KHNYN: variants seen among roughly 807,000 people sequenced by gnomAD.
The protein encoded by KHNYN is KH and NYN domain containing, also known as protein KHNYN.
A neutral mutation model predicts 62.7 loss-of-function variants in KHNYN; 42 were observed. The ratio of observed to expected loss-of-function variants is 0.67; its 90% confidence interval spans 0.52 to 0.87. KHNYN has a LOEUF of 0.87. KHNYN is among the 40% of genes least tolerant of loss of function. The pLI is 0.00. For synonymous variants in KHNYN, 347 were observed against 345.6 expected (o/e 1.00, Z -0.04); for missense variants, 829 against 874.1 (o/e 0.95, Z 0.65).
intron 5 of KHNYN, 103 bp from the exon 6 acceptor site, chr14:24,435,966 AGTG>A (rs777940002): frequency 8.6e-6 from 7 of 813,402 alleles, no homozygotes; most frequent in Non-Finnish European, 1.5e-5. Context: ...TATATTGCAT[AGTG>A]GTGAAGTCTA....
chr14:24,436,571 T>C (rs1002681228), intron 7 of KHNYN, 82 bp downstream of exon 7: 1 of 1,036,582 alleles, frequency 9.6e-7, no homozygotes, highest in Non-Finnish European at 1.4e-6. Flanking sequence ...GGTGGAAGTG[T>C]GACCTCAGTT....
In KHNYN at chr14:24,432,406, T is replaced by C. The variant is rs2139384772; in HGVS notation, c.1145T>C (p.Val382Ala). Residue 382 changes from valine (V) to alanine (A), a missense_variant, in exon 3 of 8, where the codon GTG becomes GCG. By Grantham distance (64) the Val-to-Ala change is moderately conservative. This residue lies in a region of KHNYN where 559 missense variants were observed against 527.0 expected (regional missense o/e 1.06). Transcript: ENST00000553935. The surrounding 1 kb of genome is among the most constrained non-coding windows in gnomAD (Gnocchi z 5.6). ...GGTGACTGCGGAGACCGGGGAGACG[T>C]GGGGGACAGGGGAGACAAGCAGCAG... ...DRGDCGDRGD[V>A]GDRGDKQQGM... The C allele has an allele frequency of 6.2e-7, 1 of 1,612,422 alleles. No homozygotes were observed. The highest frequency in any genetic ancestry group is 1.1e-5 in the South Asian group (1 of 90,998).
upstream of KHNYN, among the ~76,000 whole-genome samples, chr14:24,424,899 A>C (rs1431538057): frequency 1.3e-5 from 2 of 152,206 alleles, no homozygotes; most frequent in African/African-American, 4.8e-5. Flanking sequence ...AGAAACTGTG[A>C]GGTAATAAAC....
chr14:24,423,651 C>T, the KHNYN span, among the ~76,000 whole-genome samples: 38 of 152,200 alleles, frequency 2.5e-4, no homozygotes, highest in Non-Finnish European at 4.9e-4. Flanking sequence ...AGATGAGGGG[C>T]AGCTGGCAAA....
upstream of KHNYN, chr14:24,428,881 C>A (rs761978741): frequency 1.9e-6 from 3 of 1,600,442 alleles, no homozygotes; most frequent in East Asian, 2.3e-5. Flanking sequence ...CTCCCCCGGG[C>A]CCCCCTGCAG....
At chr14:24,428,505 G>T, upstream of KHNYN, 1 of 1,421,264 alleles carries the variant, frequency 7.0e-7, no homozygotes, top group Non-Finnish European at 9.6e-7. Context: ...TGAATAGAAG[G>T]AGTGGCAAGT....
In KHNYN at chr14:24,430,914, A is replaced by C; in HGVS notation, c.184A>C (p.Asn62His). 6.2e-7 allele frequency: 1 copy of C among 1,613,204 alleles called. No homozygotes were observed. Among genetic ancestry groups the C allele is most frequent in the Non-Finnish European group, 8.5e-7 (1 of 1,179,268 alleles). Residue 62 changes from asparagine to histidine, a missense_variant, in exon 2 of 8, where the codon AAC (asparagine) becomes CAC (histidine). Physicochemically the swap from Asn to His is moderately conservative, Grantham distance 68. Transcript: ENST00000553935. ...IWLQLEGPKE[N>H]ASRAKEYLKG... ...GCTGCAGCTGGAGGGCCCCAAGGAA[A>C]ACGCCAGCAGAGCCAAGGTGAACGC...
chr14:24,436,382 A>G lies in KHNYN; in HGVS notation c.1686-6A>G, dbSNP rs1401907119. On this transcript the variant is annotated splice_polypyrimidine_tract_variant and splice_region_variant and intron_variant, in intron 6 of 7. Transcript: ENST00000553935. The stretch of plus-strand genomic sequence containing the variant: ...CTGTGACCACACATTATCTTTCGCC[A>G]TCCAGCCTGCTGCCCTTTACCTTTG... The G allele has an allele frequency of 3.1e-6, 5 of 1,613,660 alleles. 1 individual carries two copies. Among genetic ancestry groups the G allele is most frequent in the Non-Finnish European group, 4.2e-6 (5 of 1,179,612 alleles).
upstream of KHNYN, chr14:24,427,498 T>G: frequency 2.4e-6 from 1 of 408,398 alleles, no homozygotes; most frequent in Middle Eastern, 7.1e-4. The surrounding 1 kb of genome is among the most constrained non-coding windows in gnomAD (Gnocchi z 4.4). Context: ...CGCAAAGTAG[T>G]GCAGATCTTC....
chr14:24,431,985 C>G lies in KHNYN; in HGVS notation c.724C>G (p.Pro242Ala). The G allele has an allele frequency of 6.2e-7, 1 of 1,611,866 alleles. No individual in the cohort carries two copies. Among genetic ancestry groups the G allele is most frequent in the Non-Finnish European group, 8.5e-7 (1 of 1,178,504 alleles). ...GTCCCTGGACACTGGATCTATGGGA[C>G]CCGGAGATTGCAGGGGAGCAAGGGG... ...RESLDTGSMG[P>A]GDCRGARGDT... The change falls in exon 3 of 8, where the codon CCC (proline) becomes GCC (alanine). Residue 242 changes from proline to alanine, a missense_variant. Coordinates refer to ENST00000553935, the MANE Select transcript of KHNYN (RefSeq NM_015299.3).
Position 24,439,123 on chromosome 14 carries a change from C to T in KHNYN, c.*1838C>T, listed in dbSNP as rs2043252667. 6.6e-6 allele frequency: 1 copy of T among 151,896 alleles called. No individual in the cohort carries two copies. 9.4% of individuals were successfully genotyped at this position (151,896 alleles called of 1,614,324 possible). Reference sequence around the variant, plus strand: ...GGTGGCTGGGGGAACTGTGTCTGGTCAAGTTATGGCAGATGTCACAGCTTT... The same window carrying T: ...GGTGGCTGGGGGAACTGTGTCTGGTTAAGTTATGGCAGATGTCACAGCTTT... On this transcript the variant is annotated 3_prime_UTR_variant, in exon 8 of 8. Transcript: ENST00000553935.
Position 24,431,670 on chromosome 14 carries a change from G to C in KHNYN, c.409G>C (p.Glu137Gln). 6.2e-7 allele frequency: 1 copy of C among 1,614,150 alleles called. No homozygotes were observed. The highest frequency in any genetic ancestry group is 2.2e-5 in the East Asian group (1 of 44,880). The change falls in exon 3 of 8, where the codon GAG (glutamate) becomes CAG (glutamine). Residue 137 changes from glutamate (E) to glutamine (Q), a missense_variant. This residue lies in a region of KHNYN where 559 missense variants were observed against 527.0 expected (regional missense o/e 1.06). Transcript: ENST00000553935. The part of the protein sequence containing the change: ...AFVMAQSRVE[E>Q]LAERLSWDFT... ...TGTCATGGCTCAGAGCCGGGTAGAA[G>C]AGCTGGCAGAGCGGCTGAGCTGGGA...
Position 24,439,882 on chromosome 14 carries a change from G to C in KHNYN, c.*2597G>C. On this transcript the variant is annotated 3_prime_UTR_variant, in exon 8 of 8. Transcript: ENST00000553935. ...AAACCAAACTGGGAAATCTTACAAG[G>C]AGTTGAAAAGATTAATGTCCCAACC... 1 of 530,492 alleles carries C rather than the reference G, an allele frequency of 1.9e-6. No individual in the cohort carries two copies. The highest frequency in any genetic ancestry group is 3.0e-5 in the East Asian group (1 of 33,164). The allele number at this position is 530,492 out of a possible 1,614,324, so 32.9% of individuals were successfully genotyped here.
chr14:24,429,036 G>A (rs1015800215), upstream of KHNYN: 13 of 1,515,914 alleles, frequency 8.6e-6, no homozygotes, highest in African/African-American at 1.4e-5. Context: ...GGTAGCCAGT[G>A]TGGCTTGGCT....
rs1473924676 is a variant in KHNYN, at chr14:24,441,149, G to A, written c.*3864G>A. On this transcript the variant is annotated 3_prime_UTR_variant, in exon 8 of 8. Coordinates refer to ENST00000553935, the MANE Select transcript of KHNYN (RefSeq NM_015299.3). ...TAAACTTAGAGGCTGCTAGAGTGTA[G>A]TGGTTAAGAACAGGAACTTGGGTAC... The A allele has an allele frequency of 3.1e-6, 2 of 652,096 alleles. No homozygotes were observed. Among genetic ancestry groups the A allele is most frequent in the Non-Finnish European group, 5.5e-6 (2 of 361,344 alleles). The allele number at this position is 652,096 out of a possible 1,614,324, so 40.4% of individuals were successfully genotyped here. A position where few individuals can be genotyped will look rare whatever the true frequency, so the allele number is the denominator to read the frequency against.
intron 5 of KHNYN, chr14:24,434,260 G>T: frequency 1.2e-5 from 12 of 985,380 alleles, no homozygotes; most frequent in Non-Finnish European, 1.2e-5. Context: ...TTGGGAATTC[G>T]CCCAGTAACA....
chr14:24,437,308 C>T lies in KHNYN; in HGVS notation c.*23C>T. The T allele has an allele frequency of 1.3e-6, 2 of 1,596,904 alleles. No homozygotes were observed. Among genetic ancestry groups the T allele is most frequent in the Non-Finnish European group, 1.7e-6 (2 of 1,168,818 alleles). ...TGAGCCTCACCTGCTTGAGTGGCTG[C>T]CGCCCTGTCAGCTCCAGCCGCCTCC... is the stretch of plus-strand genomic sequence containing the variant. On this transcript the variant is annotated 3_prime_UTR_variant, in exon 8 of 8. Transcript: ENST00000553935. This position sits in a 1 kb window ranked among gnomAD's most constrained non-coding sequence, Gnocchi z 5.5.
At chr14:24,428,582 G>A (rs943972177), upstream of KHNYN, among the ~76,000 whole-genome samples, 2 of 152,082 alleles carry the variant, frequency 1.3e-5, no homozygotes, top group African/African-American at 4.8e-5. Context: ...GGCTGCGTAT[G>A]GGTGGAGGGA....
At position 24,432,067 on chromosome 14, in the gene KHNYN, A is replaced by T; in HGVS notation, c.806A>T (p.Asp269Val). The change falls in exon 3 of 8, where the codon GAT (aspartate) becomes GTT (valine). Residue 269 changes from aspartate to valine, a missense_variant. Asp to Val is a radical substitution (Grantham distance 152, BLOSUM62 -3). This residue lies in a region of KHNYN where 559 missense variants were observed against 527.0 expected (regional missense o/e 1.06). Coordinates refer to ENST00000553935, the MANE Select transcript of KHNYN (RefSeq NM_015299.3). This position sits in a 1 kb window ranked among gnomAD's most constrained non-coding sequence, Gnocchi z 5.6. Reference sequence around the variant, plus strand: ...AAACAGGGTGGTCCCAGGGAGATGGATTGGGGGTGGAAGGAGTTGCCTGGG... The same window carrying T: ...AAACAGGGTGGTCCCAGGGAGATGGTTTGGGGGTGGAAGGAGTTGCCTGGG... ...GGKQGGPREM[D>V]WGWKELPGEE... The T allele has an allele frequency of 6.3e-7, 1 of 1,578,506 alleles. No homozygotes were observed.
Sources: gnomAD v4.1 joint callset for allele counts (sites outside exome capture counted in the v4.1 genomes callset) on GRCh38, gnomAD v4.1.1 for gene constraint, gnomAD v4.1.1 regional missense constraint, Gnocchi (gnomAD v3.1) non-coding constraint, MANE v1.5 for transcripts, NCBI Gene and HGNC (gene_info 2026-07-23, HGNC 2026-07-21) for gene names.